Variants in PATJ observed in about 807,000 individuals in gnomAD.
PATJ encodes inaD-like protein.
Under a neutral mutation model 224.9 loss-of-function variants are expected in PATJ, and 190 were observed. That is an observed-to-expected ratio of 0.84 (90% CI 0.75 to 0.95). PATJ has a LOEUF of 0.95. Ranked by LOEUF, PATJ falls within the 40% of genes least tolerant of loss-of-function variation. The pLI, the probability that PATJ is intolerant of heterozygous loss-of-function variation, is 0.00. For missense variants in PATJ, 2,121 were observed against 2,270.3 expected (o/e 0.93, Z 1.34); for synonymous variants, 769 against 820.3 (o/e 0.94, Z 1.07).
chr1:61,801,790 T>C, intron 12 of PATJ, 21 bp downstream of exon 12: 1 of 1,492,684 alleles, frequency 6.7e-7, no homozygotes, highest in Non-Finnish European at 9.0e-7. Flanking sequence ...AGCATTCACT[T>C]TGCGATAACA....
At chr1:61,766,619 A>T (rs562698479) in intron 4 of PATJ, 146 bp downstream of exon 4, 86 of 520,680 alleles carry the variant, frequency 1.7e-4, no homozygotes, top group African/African-American at 1.6e-3. Context: ...GGAGAAACTG[A>T]CACCATTTTC....
intron 14 of PATJ, among the ~76,000 whole-genome samples, chr1:61,821,823 G>C (rs1657327346): frequency 6.6e-6 from 1 of 152,184 alleles, no homozygotes; most frequent in Admixed American, 6.5e-5. Context: ...AGGCCACAAT[G>C]AGAAATCTTT....
intron 39 of PATJ, among the ~76,000 whole-genome samples, chr1:62,124,362 C>G (rs551825652): frequency 4.5e-4 from 69 of 152,290 alleles, no homozygotes; most frequent in African/African-American, 1.5e-3. Flanking sequence ...GGATTACAGG[C>G]ATGAGCCACC....
chr1:61,799,749 T>G (rs974726995), intron 11 of PATJ, among the ~76,000 whole-genome samples: 1 of 152,176 alleles, frequency 6.6e-6, no homozygotes, highest in Non-Finnish European at 1.5e-5. Context: ...GTTTATTATC[T>G]TCTTCTGCAT....
intron 14 of PATJ, among the ~76,000 whole-genome samples, chr1:61,809,338 G>T (rs891028989): frequency 6.6e-6 from 1 of 151,886 alleles, no homozygotes; most frequent in African/African-American, 2.4e-5. Flanking sequence ...TATAAGTGCT[G>T]AGCCTACCTT....
intron 27 of PATJ, among the ~76,000 whole-genome samples, chr1:61,945,101 G>A (rs1356286215): frequency 2.0e-5 from 3 of 152,114 alleles, no homozygotes; most frequent in Non-Finnish European, 4.4e-5. Context: ...AGTAACAACC[G>A]ATACCAGCCA....
At chr1:61,969,940 C>T (rs1377693459) in intron 27 of PATJ, among the ~76,000 whole-genome samples, 1 of 152,066 alleles carries the variant, frequency 6.6e-6, no homozygotes, top group African/African-American at 2.4e-5. Flanking sequence ...GTGATCCGCC[C>T]GCCTCGGCCT....
At chr1:62,075,487 G>A (rs1304635856) in intron 31 of PATJ, among the ~76,000 whole-genome samples, 2 of 152,146 alleles carry the variant, frequency 1.3e-5, no homozygotes, top group African/African-American at 2.4e-5. Context: ...ATTTATAGAT[G>A]GGGCGGTCAA....
At chr1:61,978,054 T>G (rs931025819) in intron 27 of PATJ, among the ~76,000 whole-genome samples, 1 of 151,918 alleles carries the variant, frequency 6.6e-6, no homozygotes, top group Non-Finnish European at 1.5e-5. Context: ...GAAGTCACTT[T>G]GTGCCTCCTC....
At chr1:61,812,861 A>C (rs1047526634) in intron 14 of PATJ, among the ~76,000 whole-genome samples, 27 of 151,882 alleles carry the variant, frequency 1.8e-4, no homozygotes, top group African/African-American at 6.5e-4. Context: ...AAAAATAAAA[A>C]AAGACACAGC....
At chr1:61,794,886 G>T (rs1338782429) in intron 9 of PATJ, among the ~76,000 whole-genome samples, 1 of 152,006 alleles carries the variant, frequency 6.6e-6, no homozygotes, top group East Asian at 1.9e-4. Context: ...TACTCAGGAG[G>T]CAGGAGAATC....
At chr1:61,860,085 T>C (rs1664311128) in intron 18 of PATJ, among the ~76,000 whole-genome samples, 1 of 152,206 alleles carries the variant, frequency 6.6e-6, no homozygotes, top group East Asian at 1.9e-4. Flanking sequence ...ATAGCTATAG[T>C]ATGTATATAT....
chr1:61,873,740 C>T (rs1666972457), intron 20 of PATJ, among the ~76,000 whole-genome samples: 1 of 152,192 alleles, frequency 6.6e-6, no homozygotes, highest in African/African-American at 2.4e-5. Flanking sequence ...CAAGTGTTTA[C>T]ACCACATGTT....
intron 31 of PATJ, among the ~76,000 whole-genome samples, chr1:62,074,470 GTTACCCAGGCT>G (rs1165348178): frequency 1.3e-5 from 2 of 151,830 alleles, no homozygotes; most frequent in Non-Finnish European, 2.9e-5. Context: ...GTCTTACTCT[GTTACCCAGGCT>G]GGAGTACAGT....
intron 16 of PATJ, among the ~76,000 whole-genome samples, chr1:61,832,179 T>G (rs557147706): frequency 2.0e-5 from 3 of 151,586 alleles, no homozygotes; most frequent in Non-Finnish European, 4.4e-5. Context: ...TACTTGGGGG[T>G]AGAGGGTAGA....
chr1:61,912,095 G>T (rs1421570253), intron 25 of PATJ, among the ~76,000 whole-genome samples: 1 of 151,472 alleles, frequency 6.6e-6, no homozygotes, highest in African/African-American at 2.4e-5. Context: ...CTGTATTCCA[G>T]TTGTGCTTAC....
chr1:61,767,951 A>G (rs1162905155), intron 4 of PATJ, among the ~76,000 whole-genome samples: 1 of 151,712 alleles, frequency 6.6e-6, no homozygotes, highest in Non-Finnish European at 1.5e-5. Flanking sequence ...GATTACAGGC[A>G]TGAGCCATTG....
At chr1:62,125,246 A>AAAAAAC (rs1665562702) in intron 39 of PATJ, among the ~76,000 whole-genome samples, 1 of 103,092 alleles carries the variant, frequency 9.7e-6, no homozygotes, top group African/African-American at 3.8e-5. Context: ...CAAAAAAAAA[A>AAAAAAC]AAAAAAACAA....
chr1:62,105,839 T>C (rs1391509513), intron 33 of PATJ, among the ~76,000 whole-genome samples: 2 of 151,638 alleles, frequency 1.3e-5, no homozygotes, highest in Non-Finnish European at 2.9e-5. Context: ...AGATGGGTTA[T>C]TTAGTTATAG....
Sources: allele counts gnomAD v4.1 joint callset (sites outside exome capture counted in the v4.1 genomes callset), GRCh38; gene constraint gnomAD v4.1.1; transcripts MANE v1.5; gene names NCBI Gene and HGNC (gene_info 2026-07-23, HGNC 2026-07-21).